The following NRG3 variants were observed in gnomAD, a reference collection of about 807,000 sequenced individuals.
NRG3 encodes neuregulin 3, also known as pro-neuregulin-3, membrane-bound isoform.
A neutral mutation model predicts 66.9 loss-of-function variants in NRG3; 31 were observed. The ratio of observed to expected loss-of-function variants is 0.46; its 90% CI spans 0.35 to 0.63. The LOEUF is 0.63. NRG3 is among the 20% of genes least tolerant of loss of function. NRG3 has a pLI of 0.00. For missense variants in NRG3, 910 were observed against 878.9 expected, an observed-to-expected ratio of 1.04 and a Z score of -0.45; for synonymous variants, 393 against 359.4, an observed-to-expected ratio of 1.09 and a Z score of -1.06.
intron 4 of NRG3, among the ~76,000 whole-genome samples, chr10:82,934,217 C>T (rs1446164869): frequency 1.3e-5 from 2 of 152,240 alleles, no homozygotes; most frequent in African/African-American, 4.8e-5. Context: ...ATCTCTACAG[C>T]TGTCTGGGTA....
intron 1 of NRG3, among the ~76,000 whole-genome samples, chr10:82,051,265 G>A (rs1044319606): frequency 2.0e-5 from 3 of 152,136 alleles, no homozygotes; most frequent in African/African-American, 7.2e-5. Flanking sequence ...GGTCAAAAGA[G>A]CAGTGGAGTG....
At chr10:82,240,095 T>G (rs2076942808) in intron 1 of NRG3, among the ~76,000 whole-genome samples, 1 of 152,182 alleles carries the variant, frequency 6.6e-6, no homozygotes. Context: ...TTTTGTTTTT[T>G]CTGCTTTAGC....
intron 2 of NRG3, among the ~76,000 whole-genome samples, chr10:82,504,236 C>T (rs1844467738): frequency 6.6e-6 from 1 of 152,144 alleles, no homozygotes; most frequent in Non-Finnish European, 1.5e-5. Context: ...TGAGTACTGT[C>T]TTGTGTTTGC....
chr10:82,618,085 T>C (rs1194329488), intron 2 of NRG3, among the ~76,000 whole-genome samples: 1 of 152,152 alleles, frequency 6.6e-6, no homozygotes, highest in African/African-American at 2.4e-5. Context: ...TTCCTCCAAA[T>C]TGCTCCATTT....
intron 2 of NRG3, among the ~76,000 whole-genome samples, chr10:82,476,961 C>A (rs887096277): frequency 6.6e-6 from 1 of 152,122 alleles, no homozygotes; most frequent in African/African-American, 2.4e-5. Context: ...CCGAGTTCAT[C>A]CAGTTAATTC....
chr10:82,459,377 G>A (rs1267839371), intron 2 of NRG3, among the ~76,000 whole-genome samples: 3 of 152,122 alleles, frequency 2.0e-5, no homozygotes, highest in Non-Finnish European at 2.9e-5. Flanking sequence ...TTTTTTGACT[G>A]ATCGGATTGG....
chr10:82,276,859 A>C (rs2134385097), intron 1 of NRG3, among the ~76,000 whole-genome samples: 1 of 152,136 alleles, frequency 6.6e-6, no homozygotes, highest in South Asian at 2.1e-4. Context: ...AGCACAGAAA[A>C]CTTATCAAAC....
intron 6 of NRG3, among the ~76,000 whole-genome samples, chr10:82,963,663 G>C (rs971737248): frequency 6.6e-6 from 1 of 152,028 alleles, no homozygotes; most frequent in African/African-American, 2.4e-5. Context: ...CTGGGTGACA[G>C]AGCGAGACAA....
At chr10:82,846,872 C>T (rs929823650) in intron 3 of NRG3, among the ~76,000 whole-genome samples, 1 of 152,114 alleles carries the variant, frequency 6.6e-6, no homozygotes, top group Non-Finnish European at 1.5e-5. Flanking sequence ...CTACTATGAG[C>T]GAGATTGTGC....
chr10:82,482,281 A>G (rs915735548), intron 2 of NRG3, among the ~76,000 whole-genome samples: 4 of 152,170 alleles, frequency 2.6e-5, no homozygotes, highest in Admixed American at 2.6e-4. Flanking sequence ...ACTTAGTAGA[A>G]AGGCTGCCAC....
At chr10:82,689,223 A>G (rs946306238) in intron 2 of NRG3, among the ~76,000 whole-genome samples, 2 of 152,154 alleles carry the variant, frequency 1.3e-5, no homozygotes, top group African/African-American at 4.8e-5. Context: ...GGACGTAAAA[A>G]TGTTATCTTC....
intron 7 of NRG3, among the ~76,000 whole-genome samples, chr10:82,975,286 C>T (rs1852144102): frequency 6.6e-6 from 1 of 152,142 alleles, no homozygotes; most frequent in East Asian, 1.9e-4. Context: ...AGTAGTATTC[C>T]ACCTAGTCAA....
intron 2 of NRG3, among the ~76,000 whole-genome samples, chr10:82,482,320 A>G (rs1270823563): frequency 6.6e-6 from 1 of 152,230 alleles, no homozygotes; most frequent in African/African-American, 2.4e-5. Context: ...ATCCTGGAAC[A>G]AGATTTTTCA....
chr10:82,857,315 A>G (rs1480233728), intron 3 of NRG3, among the ~76,000 whole-genome samples: 1 of 152,158 alleles, frequency 6.6e-6, no homozygotes, highest in African/African-American at 2.4e-5. Context: ...TCAGCAGTGG[A>G]GTTTTGGGGA....
At chr10:82,342,583 T>C (rs757865582) in intron 1 of NRG3, among the ~76,000 whole-genome samples, 7 of 152,120 alleles carry the variant, frequency 4.6e-5, no homozygotes, top group Non-Finnish European at 1.0e-4. Context: ...AAAAAGTGTG[T>C]GTTTATGTGT....
intron 2 of NRG3, among the ~76,000 whole-genome samples, chr10:82,579,444 G>A (rs1243833371): frequency 6.6e-6 from 1 of 152,022 alleles, no homozygotes; most frequent in East Asian, 1.9e-4. Flanking sequence ...TCTTTCTAAT[G>A]TTTGGGCACA....
At chr10:82,849,495 G>A (rs954903670) in intron 3 of NRG3, among the ~76,000 whole-genome samples, 2 of 152,170 alleles carry the variant, frequency 1.3e-5, no homozygotes, top group Non-Finnish European at 2.9e-5. Context: ...AAAGGAAATA[G>A]AAAATTACCA....
intron 4 of NRG3, among the ~76,000 whole-genome samples, chr10:82,927,303 A>G (rs1423188846): frequency 6.6e-6 from 1 of 152,196 alleles, no homozygotes; most frequent in Non-Finnish European, 1.5e-5. Flanking sequence ...TTGAGACATT[A>G]TTTAAATTTT....
Position 82,468,805 on chromosome 10 carries a change from G to T in NRG3, c.953+109937G>T, listed in dbSNP as rs73305826. The stretch of plus-strand genomic sequence containing the variant: ...TTCTGATTTGATTCCTGTTATTTTG[G>T]TGGTCATGGGGAAGGATGGGGAGTG... On this transcript the variant is annotated intron_variant, in intron 2 of 8. Coordinates refer to ENST00000372141, the MANE Select transcript of NRG3 (RefSeq NM_001010848.4). Among the ~76,000 whole-genome samples, 848 of 152,126 alleles carry T rather than the reference G, an allele frequency of 5.6e-3. 7 individuals are homozygous for T. Among genetic ancestry groups the T allele is most frequent in the African/African-American group, 0.02 (816 of 41,488 alleles).
Sources: gnomAD v4.1 joint callset for allele counts (sites outside exome capture counted in the v4.1 genomes callset) on GRCh38, gnomAD v4.1.1 for gene constraint, MANE v1.5 for transcripts, NCBI Gene and HGNC (gene_info 2026-07-23, HGNC 2026-07-21) for gene names.